TTC23: variants seen among roughly 807,000 people sequenced by gnomAD.
TTC23 encodes tetratricopeptide repeat protein 23.
In TTC23, 58 loss-of-function variants were observed where a neutral mutation model predicts 55.1. That is an observed-to-expected ratio of 1.05 (90% CI 0.85 to 1.31). The LOEUF is 1.31. Among genes scored for constraint, TTC23 ranks in the 50% most tolerant of loss-of-function variants. TTC23 has a pLI of 0.00. For missense variants in TTC23, 516 were observed against 534.4 expected (o/e 0.97, Z 0.34); for synonymous variants, 203 against 199.9 (o/e 1.02, Z -0.13).
At chr15:99,226,921 T>C (rs528673046) in intron 5 of TTC23, among the ~76,000 whole-genome samples, 2 of 152,372 alleles carry the variant, frequency 1.3e-5, no homozygotes, top group Admixed American at 6.5e-5. Context: ...GCACCTTGTC[T>C]GTCCTGTTCA....
At chr15:99,177,131 A>G (rs1455368528) in intron 9 of TTC23, among the ~76,000 whole-genome samples, 1 of 152,210 alleles carries the variant, frequency 6.6e-6, no homozygotes, top group Non-Finnish European at 1.5e-5. Flanking sequence ...TTGACTCTAG[A>G]CTGTCACCTT....
intron 12 of TTC23, chr15:99,155,913 A>G: frequency 1.8e-6 from 1 of 553,128 alleles, no homozygotes; most frequent in Admixed American, 3.2e-5. Flanking sequence ...AAAAAATTAA[A>G]AATATTTGCA....
In TTC23 at chr15:99,208,404, T is replaced by C. The variant is rs377090223; in HGVS notation, c.582-8308A>G. 3.3e-5 allele frequency among the ~76,000 whole-genome samples: 5 copies of C among 152,336 alleles called. No homozygotes were observed. The South Asian group carries it at 1.0e-3, about 32-fold the overall frequency. On this transcript the variant is annotated intron_variant, in intron 8 of 13. Transcript: ENST00000394132. Reference sequence around the variant, plus strand: ...TTGGGAAGAATGCATAACAAGCTTCTATTTATCAGAAATAGATTTTGTAAG... The same window carrying C: ...TTGGGAAGAATGCATAACAAGCTTCCATTTATCAGAAATAGATTTTGTAAG...
At chr15:99,171,394 A>G (rs1229598203) in intron 10 of TTC23, among the ~76,000 whole-genome samples, 4 of 151,968 alleles carry the variant, frequency 2.6e-5, no homozygotes, top group Non-Finnish European at 4.4e-5. Flanking sequence ...GTATGAACTC[A>G]TCTGTAAAAT....
chr15:99,187,478 A>AAAAAAAAAAAAAAAAAG (rs55638903), intron 9 of TTC23, among the ~76,000 whole-genome samples: 1 of 149,424 alleles, frequency 6.7e-6, no homozygotes, highest in Admixed American at 6.7e-5. Context: ...ACAAAACAAA[A>AAAAAAAAAAAAAAAAAG]GAAACCCAAC....
intron 11 of TTC23, chr15:99,158,016 T>TG (rs1225876963): frequency 1.3e-4 from 20 of 152,220 alleles, no homozygotes; most frequent in Non-Finnish European, 2.5e-4. Context: ...AGGAGGGCGT[T>TG]TAATCCTTTT....
intron 9 of TTC23, among the ~76,000 whole-genome samples, chr15:99,192,272 T>C (rs552281578): frequency 6.6e-6 from 1 of 152,308 alleles, no homozygotes; most frequent in South Asian, 2.1e-4. Flanking sequence ...TGAATTTTCA[T>C]CACCAAGACA....
intron 9 of TTC23, among the ~76,000 whole-genome samples, chr15:99,194,016 A>G (rs1253425708): frequency 6.6e-6 from 1 of 152,170 alleles, no homozygotes; most frequent in African/African-American, 2.4e-5. Flanking sequence ...TCTCAAAAAA[A>G]AAAAAAAGTT....
At chr15:99,180,693 G>C (rs1284283419) in intron 9 of TTC23, among the ~76,000 whole-genome samples, 1 of 152,180 alleles carries the variant, frequency 6.6e-6, no homozygotes, top group Non-Finnish European at 1.5e-5. Context: ...CTTGGGGATG[G>C]GGTGGGTCTT....
intron 12 of TTC23, among the ~76,000 whole-genome samples, chr15:99,149,660 C>T (rs1393822668): frequency 6.6e-6 from 1 of 152,212 alleles, no homozygotes; most frequent in Admixed American, 6.5e-5. Context: ...AAGAGTCGGG[C>T]CTTATATAAG....
rs781804812 is a variant in TTC23 at position 99,139,305 on chromosome 15, A to T, written c.1226+12T>A. 1 of 1,610,352 alleles carries T rather than the reference A, an allele frequency of 6.2e-7. No individual in the cohort carries two copies. The highest frequency in any genetic ancestry group is 1.1e-5 in the South Asian group (1 of 91,030). On this transcript the variant is annotated intron_variant, in intron 13 of 13. Transcript: ENST00000394132. Reference sequence around the variant, plus strand: ...GAATGAGATAGAGAAAGTGTGAGGGACGCCAACTCACGTGGACAGCATGCC... The same window carrying T: ...GAATGAGATAGAGAAAGTGTGAGGGTCGCCAACTCACGTGGACAGCATGCC...
chr15:99,224,781 A>G (rs1197204761), intron 5 of TTC23, among the ~76,000 whole-genome samples: 1 of 152,200 alleles, frequency 6.6e-6, no homozygotes, highest in East Asian at 1.9e-4. Flanking sequence ...ACTGAGTACA[A>G]ATTGTGGAGT....
At chr15:99,214,312 C>G (rs1375771351) in intron 8 of TTC23, among the ~76,000 whole-genome samples, 2 of 151,886 alleles carry the variant, frequency 1.3e-5, no homozygotes, top group Non-Finnish European at 2.9e-5. Context: ...TCGAGACCAT[C>G]CTGGCTAACA....
chr15:99,174,964 C>T, intron 10 of TTC23, 86 bp downstream of exon 10: 1 of 1,147,662 alleles, frequency 8.7e-7, no homozygotes, highest in Non-Finnish European at 1.2e-6. Context: ...TGTCGCGGCT[C>T]TGTCCACCTG....
rs1251261546 is a variant in TTC23, at chr15:99,161,827, A to C, written c.906T>G (p.Leu302=). The C allele has an allele frequency of 6.2e-7, 1 of 1,613,136 alleles. No homozygotes were observed. The highest frequency in any genetic ancestry group is 8.5e-7 in the Non-Finnish European group (1 of 1,179,854). The change falls in exon 11 of 14, where the codon CTT becomes CTG. Residue 302 remains leucine, a synonymous_variant. Coordinates refer to ENST00000394132, the MANE Select transcript of TTC23 (RefSeq NM_001288615.3). ...EQYFQESMAH[L]KDSEGMGRTK... The stretch of plus-strand genomic sequence containing the variant: ...TTCTTCCCATCCCTTCAGAATCCTT[A>C]AGATGAGCCATGCTCTCTTGAAAAT...
At chr15:99,196,060 G>A (rs867056833) in intron 9 of TTC23, among the ~76,000 whole-genome samples, 22 of 151,234 alleles carry the variant, frequency 1.5e-4, no homozygotes, top group African/African-American at 3.2e-4. Context: ...GCTGAGGCAC[G>A]AGAATCCCTT....
intron 10 of TTC23, among the ~76,000 whole-genome samples, chr15:99,162,540 C>A (rs1233131116): frequency 1.3e-5 from 2 of 152,116 alleles, no homozygotes; most frequent in Non-Finnish European, 2.9e-5. Flanking sequence ...GAAAAAAGGT[C>A]CATCTACTAG....
intron 8 of TTC23, among the ~76,000 whole-genome samples, chr15:99,207,829 TGA>T (rs751228677): frequency 1.6e-4 from 24 of 152,296 alleles, no homozygotes; most frequent in Non-Finnish European, 3.2e-4. Context: ...ATAAGAAGCC[TGA>T]GGACGCTGAA....
At chr15:99,184,609 C>G (rs946230985) in intron 9 of TTC23, among the ~76,000 whole-genome samples, 1 of 152,174 alleles carries the variant, frequency 6.6e-6, no homozygotes, top group Non-Finnish European at 1.5e-5. Context: ...TATCTGTACC[C>G]CCACTGTATC....
Sources: allele counts gnomAD v4.1 joint callset (sites outside exome capture counted in the v4.1 genomes callset), GRCh38; gene constraint gnomAD v4.1.1; transcripts MANE v1.5; gene names NCBI Gene and HGNC (gene_info 2026-07-23, HGNC 2026-07-21).